The following ARHGEF10L variants were observed in gnomAD, a reference collection of about 807,000 sequenced individuals.
ARHGEF10L encodes the protein rho guanine nucleotide exchange factor 10-like protein.
A neutral mutation model predicts 141.2 loss-of-function variants in ARHGEF10L; 69 were observed. The ratio of observed to expected loss-of-function variants is 0.49; its 90% CI spans 0.40 to 0.60. The LOEUF is 0.60. Among genes scored for constraint, ARHGEF10L ranks in the 20% least tolerant of loss-of-function variants. The probability of loss-of-function intolerance (pLI) is 0.00; values close to 1 mark genes in which losing one functional copy is unlikely to be tolerated. For synonymous variants in ARHGEF10L, 711 were observed against 718.5 expected (o/e 0.99, Z 0.17); for missense variants, 1,482 against 1,734.3 (o/e 0.85, Z 2.58).
chr1:17,583,810 C>T (rs145926658), intron 2 of ARHGEF10L, among the ~76,000 whole-genome samples: 47 of 152,242 alleles, frequency 3.1e-4, no homozygotes, highest in African/African-American at 1.1e-3. Flanking sequence ...CTGGTACCCC[C>T]AAAATAGTGG....
intron 21 of ARHGEF10L, among the ~76,000 whole-genome samples, chr1:17,646,271 G>T (rs913690593): frequency 6.6e-6 from 1 of 152,224 alleles, no homozygotes; most frequent in African/African-American, 2.4e-5. Flanking sequence ...CGGCATGAGG[G>T]CTGCTCTCAG....
In ARHGEF10L at chr1:17,656,069, A is replaced by G; in HGVS notation, c.2672A>G (p.His891Arg). 4 of 1,559,596 alleles carry G rather than the reference A, an allele frequency of 2.6e-6. No individual in the cohort carries two copies. The highest frequency in any genetic ancestry group is 2.4e-5 in the South Asian group (2 of 84,572). The stretch of plus-strand genomic sequence containing the variant: ...GTTGCTGACCCCTCGGCCACGGTGC[A>G]TCCAACCATCTGCCTCGGGCTCCAG... ...PTVADPSATVHPTICLGLQDG... is the reference protein window; with the variant it reads ...PTVADPSATVRPTICLGLQDG... The change falls in exon 24 of 29, where the codon CAT (histidine) becomes CGT (arginine). Residue 891 changes from histidine (H) to arginine (R), a missense_variant. Around this residue, in one of 3 missense-constraint regions of ARHGEF10L, gnomAD observed 858 missense variants for 966.3 expected, o/e 0.89. Transcript: ENST00000361221. The surrounding 1 kb of genome is among the most constrained non-coding windows in gnomAD (Gnocchi z 4.9).
intron 25 of ARHGEF10L, among the ~76,000 whole-genome samples, chr1:17,657,395 G>A (rs2062334846): frequency 1.3e-5 from 2 of 152,206 alleles, no homozygotes; most frequent in Admixed American, 1.3e-4. Flanking sequence ...CAGCCATGTG[G>A]AGTGCTGTGG....
At chr1:17,692,707 A>T (rs543877863) in intron 27 of ARHGEF10L, among the ~76,000 whole-genome samples, 1 of 152,212 alleles carries the variant, frequency 6.6e-6, no homozygotes, top group African/African-American at 2.4e-5. Flanking sequence ...GTTCCACTCA[A>T]ATCACGTCAC....
chr1:17,531,069 GC>G, the ARHGEF10L span, among the ~76,000 whole-genome samples: 1 of 152,188 alleles, frequency 6.6e-6, no homozygotes, highest in South Asian at 2.1e-4. Flanking sequence ...CAGAGTTCTT[GC>G]AAGAGTCAAT....
chr1:17,634,767 G>T, intron 17 of ARHGEF10L, 68 bp from the exon 18 acceptor site: 1 of 1,513,326 alleles, frequency 6.6e-7, no homozygotes, highest in South Asian at 1.3e-5. Context: ...GAGGAGCAAT[G>T]CCCTGGGCCA....
chr1:17,613,804 T>C (rs540673997), intron 8 of ARHGEF10L, among the ~76,000 whole-genome samples: 1 of 152,346 alleles, frequency 6.6e-6, no homozygotes, highest in South Asian at 2.1e-4. Context: ...TGGGCCTGGT[T>C]TGAATCCCAA....
rs1441166450 is a variant in ARHGEF10L at position 17,615,900 on chromosome 1, A to T, written c.727-194A>T. On this transcript the variant is annotated intron_variant, in intron 8 of 28. Coordinates refer to ENST00000361221, the MANE Select transcript of ARHGEF10L (RefSeq NM_018125.4). This position sits in a 1 kb window ranked among gnomAD's most constrained non-coding sequence, Gnocchi z 4.7. The stretch of plus-strand genomic sequence containing the variant: ...TCGGTTACAGCCTCCTGTTGCCCCT[A>T]AAGAGGGAGATCCCCGGGCATGAAC... 1 of 566,502 alleles carries T rather than the reference A, an allele frequency of 1.8e-6. No homozygotes were observed. The highest frequency in any genetic ancestry group is 2.9e-5 in the East Asian group (1 of 33,946). 35.1% of individuals were successfully genotyped at this position (566,502 alleles called of 1,614,324 possible). A position where few individuals can be genotyped will look rare whatever the true frequency, so the allele number is the denominator to read the frequency against.
chr1:17,554,575 C>G (rs1295642777), intron 1 of ARHGEF10L, among the ~76,000 whole-genome samples: 7 of 148,904 alleles, frequency 4.7e-5, no homozygotes, highest in Non-Finnish European at 8.9e-5. Flanking sequence ...CCCTCCTTTC[C>G]TTCCTTCCTT....
At chr1:17,519,599 T>G in the ARHGEF10L span, among the ~76,000 whole-genome samples, 1 of 151,800 alleles carries the variant, frequency 6.6e-6, no homozygotes, top group African/African-American at 2.4e-5. Context: ...GAGAGAGCCC[T>G]TGCCTCAAAA....
chr1:17,668,481 CT>C (rs1191378341), intron 26 of ARHGEF10L, among the ~76,000 whole-genome samples: 1 of 152,280 alleles, frequency 6.6e-6, no homozygotes, highest in African/African-American at 2.4e-5. Context: ...GTGACCATCC[CT>C]GGGGCCCCAA....
chr1:17,690,187 G>A (rs2064995219), intron 27 of ARHGEF10L, among the ~76,000 whole-genome samples: 1 of 152,174 alleles, frequency 6.6e-6, no homozygotes, highest in African/African-American at 2.4e-5. Flanking sequence ...CTGGGCCTCA[G>A]TTTCCCCATT....
intron 8 of ARHGEF10L, among the ~76,000 whole-genome samples, chr1:17,614,843 G>A (rs2059721497): frequency 6.6e-6 from 1 of 152,138 alleles, no homozygotes; most frequent in Non-Finnish European, 1.5e-5. Context: ...CCCATGCACA[G>A]CACCTGGTGG....
intron 27 of ARHGEF10L, chr1:17,693,920 G>T (rs906500881): frequency 6.6e-6 from 1 of 152,238 alleles, no homozygotes; most frequent in African/African-American, 2.4e-5. Flanking sequence ...TGGCAGCGCC[G>T]TCCACCCTGT....
intron 7 of ARHGEF10L, among the ~76,000 whole-genome samples, chr1:17,610,710 G>T (rs543628275): frequency 1.9e-3 from 286 of 152,330 alleles, no homozygotes; most frequent in Middle Eastern, 3.4e-3. Context: ...GACAGCAGGG[G>T]TCTGGGGATG....
chr1:17,694,684 G>C (rs1034428932), intron 27 of ARHGEF10L: 6 of 340,616 alleles, frequency 1.8e-5, no homozygotes, highest in South Asian at 6.5e-5. Flanking sequence ...GAGCCACCTC[G>C]ATGCCTCTCG....
Position 17,654,862 on chromosome 1 carries a change from C to G in ARHGEF10L, c.2481+140C>G. 2 of 806,044 alleles carry G rather than the reference C, an allele frequency of 2.5e-6. No individual in the cohort carries two copies. Among genetic ancestry groups the G allele is most frequent in the Admixed American group, 4.0e-5 (2 of 49,508 alleles). 49.9% of individuals were successfully genotyped at this position (806,044 alleles called of 1,614,324 possible). ...CATCCACCAAGGTCTTCCTGGGCAC[C>G]TCTGGTGCCAGGCACTGCATTTGGA... On this transcript the variant is annotated intron_variant, in intron 23 of 28. Transcript: ENST00000361221. The surrounding 1 kb of genome is among the most constrained non-coding windows in gnomAD (Gnocchi z 4.3).
At chr1:17,661,917 G>A (rs2062656068) in intron 25 of ARHGEF10L, among the ~76,000 whole-genome samples, 1 of 151,262 alleles carries the variant, frequency 6.6e-6, no homozygotes, top group Non-Finnish European at 1.5e-5. Context: ...GGTTGGAGAA[G>A]CAGGCCAGGC....
In ARHGEF10L at chr1:17,619,509, T is replaced by C; in HGVS notation, c.942+64T>C. On this transcript the variant is annotated intron_variant, in intron 10 of 28. Transcript: ENST00000361221. This position sits in a 1 kb window ranked among gnomAD's most constrained non-coding sequence, Gnocchi z 5.0. Reference sequence around the variant, plus strand: ...AAGGGGTGGCTTGGGGGTTCCAGCCTGTTCTCTGGGGCCACGCTTGTCTGG... The same window carrying C: ...AAGGGGTGGCTTGGGGGTTCCAGCCCGTTCTCTGGGGCCACGCTTGTCTGG... 1 of 1,321,682 alleles carries C rather than the reference T, an allele frequency of 7.6e-7. No individual in the cohort carries two copies. The highest frequency in any genetic ancestry group is 1.0e-6 in the Non-Finnish European group (1 of 959,342). 81.9% of individuals were successfully genotyped at this position (1,321,682 alleles called of 1,614,324 possible).
Sources: allele counts gnomAD v4.1 joint callset (sites outside exome capture counted in the v4.1 genomes callset), GRCh38; gene constraint gnomAD v4.1.1; regional missense constraint gnomAD v4.1.1; non-coding constraint Gnocchi (gnomAD v3.1); transcripts MANE v1.5; gene names NCBI Gene and HGNC (gene_info 2026-07-23, HGNC 2026-07-21).